The following TANC2 variants were observed in gnomAD, a reference collection of about 807,000 sequenced individuals.
TANC2 encodes protein TANC2.
A neutral mutation model predicts 210.5 loss-of-function variants in TANC2; 26 were observed. That is an observed-to-expected ratio of 0.12 (90% CI 0.09 to 0.17). The LOEUF (loss-of-function observed/expected upper bound fraction) is 0.17, where lower values mean the gene tolerates loss of function less well. Ranked by LOEUF, TANC2 falls within the 10% of genes least tolerant of loss-of-function variation. The pLI, the probability that TANC2 is intolerant of heterozygous loss-of-function variation, is 1.00. For synonymous variants in TANC2, 931 were observed against 967.1 expected (o/e 0.96, Z 0.69); for missense variants, 2,129 against 2,608.9 (o/e 0.82, Z 4.01).
At position 63,122,709 on chromosome 17, in the gene TANC2, G is replaced by C. The variant is rs145522391; in HGVS notation, c.322+23352G>C. ...ATCACACCACTGTACTCCAGCCTGG[G>C]CGACAGAGTGAGACTGTATCTCAAA... On this transcript the variant is annotated intron_variant, in intron 4 of 27. Coordinates refer to ENST00000689528, the Ensembl canonical transcript of TANC2. Among the ~76,000 whole-genome samples the C allele has an allele frequency of 2.6e-3, 390 of 152,296 alleles. 2 individuals are homozygous for C. The highest frequency in any genetic ancestry group is 8.9e-3 in the African/African-American group (370 of 41,554).
intron 7 of TANC2, among the ~76,000 whole-genome samples, chr17:63,210,554 C>T (rs551940773): frequency 2.0e-5 from 3 of 152,130 alleles, no homozygotes; most frequent in Non-Finnish European, 4.4e-5. Context: ...TATTTACTCT[C>T]GGGATTTAGC....
intron 8 of TANC2, among the ~76,000 whole-genome samples, chr17:63,266,726 G>A (rs1373904521): frequency 1.3e-5 from 2 of 152,114 alleles, no homozygotes; most frequent in Non-Finnish European, 2.9e-5. Context: ...AGTATTTGGT[G>A]GCAAAACATT....
At chr17:63,220,290 G>A (rs1276208657) in intron 7 of TANC2, among the ~76,000 whole-genome samples, 2 of 150,476 alleles carry the variant, frequency 1.3e-5, no homozygotes, top group Admixed American at 1.3e-4. Flanking sequence ...GCAAGACTCC[G>A]TCTCATAAAA....
At chr17:63,380,757 A>G (rs946997475) in intron 15 of TANC2, among the ~76,000 whole-genome samples, 4 of 152,238 alleles carry the variant, frequency 2.6e-5, no homozygotes, top group Non-Finnish European at 5.9e-5. Flanking sequence ...CATTAAGGAT[A>G]ACTTCAAGAG....
At chr17:63,216,488 C>T (rs1028375318) in intron 7 of TANC2, among the ~76,000 whole-genome samples, 7 of 152,112 alleles carry the variant, frequency 4.6e-5, no homozygotes, top group African/African-American at 1.4e-4. Flanking sequence ...TTATTGAACT[C>T]GAGGAGGTTG....
chr17:63,422,507 C>T (rs865902206), exon 28 of TANC2: 1 of 153,598 alleles, frequency 6.5e-6, no homozygotes, highest in Non-Finnish European at 1.4e-5. Context: ...AGGATTATTG[C>T]TGGTCTTCCT....
rs2041503406 is a variant in TANC2 at position 63,200,688 on chromosome 17, T to TC, written c.583-82dup. ...AAAGCTATGCATGTAGTTTTTTTTT[T>TC]CATCAAAGCATTTATTTTATCTTAA... is the stretch of plus-strand genomic sequence containing the variant. On this transcript the variant is annotated intron_variant, in intron 6 of 27. Transcript: ENST00000689528. 3.9e-6 allele frequency: 5 copies of TC among 1,279,672 alleles called. No homozygotes were observed. In the African/African-American group the frequency reaches 7.5e-5, roughly 19 times the overall value. 79.3% of individuals were successfully genotyped at this position (1,279,672 alleles called of 1,614,324 possible).
At chr17:63,375,266 A>G (rs2047389626) in intron 14 of TANC2, among the ~76,000 whole-genome samples, 1 of 152,228 alleles carries the variant, frequency 6.6e-6, no homozygotes, top group South Asian at 2.1e-4. Context: ...TCAAAAAGAA[A>G]TGAACTATAG....
At chr17:63,103,681 T>C (rs1268888744) in intron 4 of TANC2, among the ~76,000 whole-genome samples, 1 of 152,234 alleles carries the variant, frequency 6.6e-6, no homozygotes, top group African/African-American at 2.4e-5. Flanking sequence ...TTAGCCGTTA[T>C]TGTTAATAAA....
intron 14 of TANC2, among the ~76,000 whole-genome samples, chr17:63,357,204 G>A (rs2046806037): frequency 6.6e-6 from 1 of 152,188 alleles, no homozygotes; most frequent in South Asian, 2.1e-4. Flanking sequence ...GAGAAACTTT[G>A]CTAGCTGATC....
chr17:63,078,511 T>C (rs2036649505), intron 3 of TANC2, among the ~76,000 whole-genome samples: 1 of 152,172 alleles, frequency 6.6e-6, no homozygotes, highest in Non-Finnish European at 1.5e-5. Flanking sequence ...GGGTCATTGA[T>C]ATGAAAGCTT....
At chr17:63,414,774 G>T (rs1027776762) in intron 25 of TANC2, among the ~76,000 whole-genome samples, 3 of 152,204 alleles carry the variant, frequency 2.0e-5, no homozygotes, top group African/African-American at 7.2e-5. Flanking sequence ...AAAGGGGTGG[G>T]AGATGCCGCC....
At chr17:63,251,903 TAAATC>T (rs1011009680) in intron 8 of TANC2, among the ~76,000 whole-genome samples, 9 of 152,194 alleles carry the variant, frequency 5.9e-5, no homozygotes, top group South Asian at 2.1e-4. Context: ...TTTTGTGAAA[TAAATC>T]AAGGCGATAG....
intron 5 of TANC2, chr17:63,153,185 G>C (rs1051049470): frequency 2.6e-5 from 4 of 152,098 alleles, no homozygotes; most frequent in Non-Finnish European, 5.9e-5. Context: ...ATGAATTGAT[G>C]AGTATACTCA....
chr17:63,099,536 A>G (rs889325547), intron 4 of TANC2, among the ~76,000 whole-genome samples, 179 bp downstream of exon 4: 1 of 152,092 alleles, frequency 6.6e-6, no homozygotes, highest in Non-Finnish European at 1.5e-5. Flanking sequence ...GAATTAGAAC[A>G]GTACTCAGTT....
At chr17:63,161,256 G>C (rs543205154) in intron 5 of TANC2, among the ~76,000 whole-genome samples, 139 of 152,268 alleles carry the variant, frequency 9.1e-4, no homozygotes, top group Non-Finnish European at 1.5e-3. Flanking sequence ...CAGCTACTTG[G>C]GGGGTTGAGG....
chr17:63,349,925 C>T (rs1454117660), intron 12 of TANC2, among the ~76,000 whole-genome samples: 3 of 152,134 alleles, frequency 2.0e-5, no homozygotes, highest in Non-Finnish European at 2.9e-5. Context: ...AATACCACTC[C>T]ATTAGTAGTG....
chr17:63,299,741 A>G (rs2044651230), intron 9 of TANC2, among the ~76,000 whole-genome samples: 1 of 151,124 alleles, frequency 6.6e-6, no homozygotes, highest in African/African-American at 2.4e-5. Flanking sequence ...TTGCCTGTTC[A>G]CTCTGATGAT....
At chr17:63,298,230 G>T (rs1182637896) in intron 9 of TANC2, among the ~76,000 whole-genome samples, 1 of 152,046 alleles carries the variant, frequency 6.6e-6, no homozygotes, top group Non-Finnish European at 1.5e-5. Flanking sequence ...TTGAAAACAG[G>T]TGCTCAAATA....
Sources: gnomAD v4.1 joint callset for allele counts (sites outside exome capture counted in the v4.1 genomes callset) on GRCh38, gnomAD v4.1.1 for gene constraint, MANE v1.5 for transcripts, NCBI Gene and HGNC (gene_info 2026-07-23, HGNC 2026-07-21) for gene names.